Variants in HSPA2 observed in about 807,000 individuals in gnomAD.
The protein encoded by HSPA2 is heat shock-related 70 kDa protein 2.
A neutral mutation model predicts 35.0 loss-of-function variants in HSPA2; 13 were observed. The observed-to-expected ratio is 0.37, with a 90% CI of 0.24 to 0.59. HSPA2 has a LOEUF of 0.59. HSPA2 is among the 20% of genes least tolerant of loss of function. The probability of loss-of-function intolerance (pLI) is 0.70; values close to 1 mark genes in which losing one functional copy is unlikely to be tolerated. For synonymous variants in HSPA2, 368 were observed against 382.1 expected (o/e 0.96, Z 0.43); for missense variants, 565 against 885.4 (o/e 0.64, Z 4.59).
At chr14:64,540,647 G>A (rs2080019951), upstream of HSPA2, 4 of 725,026 alleles carry the variant, frequency 5.5e-6, no homozygotes, top group Non-Finnish European at 8.8e-6. Flanking sequence ...CTGTGGTGGA[G>A]CTGGAAGAGT....
chr14:64,540,690 T>C, upstream of HSPA2: 1 of 1,141,034 alleles, frequency 8.8e-7, no homozygotes, highest in Non-Finnish European at 1.2e-6. Context: ...GGATTGGGTC[T>C]GGGAGTTCCC....
At position 64,542,814 on chromosome 14, in the gene HSPA2, C is replaced by G; in HGVS notation, c.*45C>G. 1 of 1,441,744 alleles carries G rather than the reference C, an allele frequency of 6.9e-7. No individual in the cohort carries two copies. The highest frequency in any genetic ancestry group is 1.4e-5 in the South Asian group (1 of 73,728). 89.3% of individuals were successfully genotyped at this position (1,441,744 alleles called of 1,614,324 possible). ...TAAACCTCTTTGCCTTTCTCTCTCTCTCTTTTTTTTTGTTTGTTTCTTTGA... is the reference window on the plus strand; with the variant it reads ...TAAACCTCTTTGCCTTTCTCTCTCTGTCTTTTTTTTTGTTTGTTTCTTTGA... On this transcript the variant is annotated 3_prime_UTR_variant, in exon 1 of 1. Transcript: ENST00000247207. The surrounding 1 kb of genome is among the most constrained non-coding windows in gnomAD (Gnocchi z 5.7).
In HSPA2 at chr14:64,541,244, C is replaced by A. The variant is rs775502313; in HGVS notation, c.395C>A (p.Ala132Glu). The A allele has an allele frequency of 3.1e-6, 5 of 1,614,044 alleles. No individual in the cohort carries two copies. The highest frequency in any genetic ancestry group is 4.2e-6 in the Non-Finnish European group (5 of 1,180,030). Residue 132 changes from alanine to glutamate, a missense_variant, in exon 1 of 1, where the codon GCG (alanine) becomes GAG (glutamate). Ala to Glu is a moderately radical substitution (Grantham distance 107). Around this residue, in one of 4 missense-constraint regions of HSPA2, gnomAD observed 183 missense variants for 281.6 expected, o/e 0.65. Coordinates refer to ENST00000247207, the MANE Select transcript of HSPA2 (RefSeq NM_021979.4). The stretch of plus-strand genomic sequence containing the variant: ...GTCCTCACGAAGATGAAGGAGATCG[C>A]GGAAGCCTACCTGGGGGGCAAGGTG... The part of the protein sequence containing the change: ...SMVLTKMKEI[A>E]EAYLGGKVHS...
At chr14:64,536,132 C>A (rs1596710705), upstream of HSPA2, among the ~76,000 whole-genome samples, 1 of 152,248 alleles carries the variant, frequency 6.6e-6, no homozygotes, top group East Asian at 1.9e-4. Context: ...ACTGATAATT[C>A]TACCTTCTAG....
upstream of HSPA2, chr14:64,540,209 T>C (rs9285591): frequency 0.026 from 3,985 of 153,954 alleles, 165 homozygotes; most frequent in African/African-American, 0.091. Flanking sequence ...TGCAACCAAC[T>C]CAGAATGAAT....
At chr14:64,539,429 C>CA (rs767291916), upstream of HSPA2, among the ~76,000 whole-genome samples, 3 of 151,962 alleles carry the variant, frequency 2.0e-5, no homozygotes, top group Non-Finnish European at 1.5e-5. Context: ...GTCAAAAACT[C>CA]AAAGCAGTGG....
In HSPA2 at chr14:64,542,804, TTCTC is replaced by T; in HGVS notation, c.*45_*48del. 6.6e-7 allele frequency: 1 copy of T among 1,506,790 alleles called. No individual in the cohort carries two copies. The highest frequency in any genetic ancestry group is 8.8e-7 in the Non-Finnish European group (1 of 1,132,466). 93.3% of individuals were successfully genotyped at this position (1,506,790 alleles called of 1,614,324 possible). On this transcript the variant is annotated 3_prime_UTR_variant, in exon 1 of 1. Transcript: ENST00000247207. The surrounding 1 kb of genome is among the most constrained non-coding windows in gnomAD (Gnocchi z 5.7). ...CAAGTCAGCGTAAACCTCTTTGCCT[TTCTC>T]TCTCTCTCTTTTTTTTTGTTTGTTT...
rs2080045988 is a variant in HSPA2 at position 64,543,197 on chromosome 14, C to A, written c.*428C>A. 5.2e-6 allele frequency: 1 copy of A among 191,500 alleles called. No homozygotes were observed. The highest frequency in any genetic ancestry group is 2.4e-5 in the African/African-American group (1 of 41,732). 11.9% of individuals were successfully genotyped at this position (191,500 alleles called of 1,614,324 possible). A position where few individuals can be genotyped will look rare whatever the true frequency, so the allele number is the denominator to read the frequency against. On this transcript the variant is annotated 3_prime_UTR_variant, in exon 1 of 1. Coordinates refer to ENST00000247207, the MANE Select transcript of HSPA2 (RefSeq NM_021979.4). ...CAGGTATACTTTTTGCAAACAAATG[C>A]ATAAATGCAAATGTAAAGTAAAGCT...
In HSPA2 at chr14:64,541,346, C is replaced by T; in HGVS notation, c.497C>T (p.Thr166Met). ...GCCACCAAGGACGCAGGCACCATCA[C>T]GGGGCTCAATGTGCTGCGCATCATC... ...RQATKDAGTI[T>M]GLNVLRIINE... Residue 166 changes from threonine (T) to methionine (M), a missense_variant, in exon 1 of 1, where the codon ACG becomes ATG. Around this residue, in one of 4 missense-constraint regions of HSPA2, gnomAD observed 183 missense variants for 281.6 expected, o/e 0.65. Coordinates refer to ENST00000247207, the MANE Select transcript of HSPA2 (RefSeq NM_021979.4). The T allele has an allele frequency of 1.9e-6, 3 of 1,613,750 alleles. No individual in the cohort carries two copies. Among genetic ancestry groups the T allele is most frequent in the Non-Finnish European group, 2.5e-6 (3 of 1,180,046 alleles).
rs554817180 is a variant in HSPA2, at chr14:64,542,815, TC to T, written c.*47del. On this transcript the variant is annotated 3_prime_UTR_variant, in exon 1 of 1. Coordinates refer to ENST00000247207, the MANE Select transcript of HSPA2 (RefSeq NM_021979.4). This position sits in a 1 kb window ranked among gnomAD's most constrained non-coding sequence, Gnocchi z 5.7. ...AAACCTCTTTGCCTTTCTCTCTCTC[TC>T]TTTTTTTTTGTTTGTTTCTTTGAAA... 2.5e-5 allele frequency: 35 copies of T among 1,413,590 alleles called. No homozygotes were observed. The highest frequency in any genetic ancestry group is 9.7e-5 in the South Asian group (7 of 71,806). The allele number at this position is 1,413,590 out of a possible 1,614,324, so 87.6% of individuals were successfully genotyped here. A position where few individuals can be genotyped will look rare whatever the true frequency, so the allele number is the denominator to read the frequency against.
At position 64,540,814 on chromosome 14, in the gene HSPA2, T is replaced by C; in HGVS notation, c.-36T>C. The C allele has an allele frequency of 6.2e-7, 1 of 1,607,396 alleles. No homozygotes were observed. The highest frequency in any genetic ancestry group is 8.5e-7 in the Non-Finnish European group (1 of 1,175,650). ...GACTCCGCGGAGTTCATCTCCCTGGTTTTCCCGTCCTAACGTCGCTCGCCT... is the reference window on the plus strand; with the variant it reads ...GACTCCGCGGAGTTCATCTCCCTGGCTTTCCCGTCCTAACGTCGCTCGCCT... On this transcript the variant is annotated 5_prime_UTR_variant, in exon 1 of 1. Transcript: ENST00000247207.
Position 64,542,428 on chromosome 14 carries a change from C to G in HSPA2, c.1579C>G (p.Arg527Gly), listed in dbSNP as rs200575249. The G allele has an allele frequency of 6.2e-7, 1 of 1,613,646 alleles. No individual in the cohort carries two copies. Among genetic ancestry groups the G allele is most frequent in the Non-Finnish European group, 8.5e-7 (1 of 1,179,972 alleles). Residue 527 changes from arginine (R) to glycine (G), a missense_variant, in exon 1 of 1, where the codon CGG becomes GGG. Physicochemically the swap from Arg to Gly is moderately radical, Grantham distance 125. Coordinates refer to ENST00000247207, the MANE Select transcript of HSPA2 (RefSeq NM_021979.4). The surrounding 1 kb of genome is among the most constrained non-coding windows in gnomAD (Gnocchi z 5.7). The part of the protein sequence containing the change: ...DIDRMVQEAE[R>G]YKSEDEANRD... Reference sequence around the variant, plus strand: ...TGACCGGATGGTGCAGGAGGCGGAGCGGTACAAATCGGAAGATGAGGCGAA... The same window carrying G: ...TGACCGGATGGTGCAGGAGGCGGAGGGGTACAAATCGGAAGATGAGGCGAA...
chr14:64,541,245 G>A lies in HSPA2; in HGVS notation c.396G>A (p.Ala132=). ...SMVLTKMKEI[A]EAYLGGKVHS... ...TCCTCACGAAGATGAAGGAGATCGCGGAAGCCTACCTGGGGGGCAAGGTGC... is the reference window on the plus strand; with the variant it reads ...TCCTCACGAAGATGAAGGAGATCGCAGAAGCCTACCTGGGGGGCAAGGTGC... The change falls in exon 1 of 1, where the codon GCG becomes GCA. Residue 132 remains alanine (A), a synonymous_variant. Coordinates refer to ENST00000247207, the MANE Select transcript of HSPA2 (RefSeq NM_021979.4). 6.2e-7 allele frequency: 1 copy of A among 1,613,708 alleles called. No individual in the cohort carries two copies.
chr14:64,541,129 C>T lies in HSPA2; in HGVS notation c.280C>T (p.Arg94Trp), dbSNP rs748729664. Residue 94 changes from arginine to tryptophan, a missense_variant, in exon 1 of 1, where the codon CGG (arginine) becomes TGG (tryptophan). Arg to Trp is a moderately radical substitution (Grantham distance 101). Around this residue, in one of 4 missense-constraint regions of HSPA2, gnomAD observed 183 missense variants for 281.6 expected, o/e 0.65. Coordinates refer to ENST00000247207, the MANE Select transcript of HSPA2 (RefSeq NM_021979.4). ...GTCGGATATGAAACACTGGCCGTTC[C>T]GGGTGGTGAGCGAGGGAGGCAAGCC... ...VQSDMKHWPFRVVSEGGKPKV... is the reference protein window; with the variant it reads ...VQSDMKHWPFWVVSEGGKPKV... 5.6e-6 allele frequency: 9 copies of T among 1,614,024 alleles called. No individual in the cohort carries two copies. Among genetic ancestry groups the T allele is most frequent in the Non-Finnish European group, 7.6e-6 (9 of 1,180,026 alleles).
chr14:64,539,075 AAACTACAGGC>A (rs1455938892), upstream of HSPA2, among the ~76,000 whole-genome samples: 4 of 152,208 alleles, frequency 2.6e-5, no homozygotes, highest in African/African-American at 7.2e-5. Context: ...CAAAGTGCTG[AAACTACAGGC>A]ATGAGCCTCC....
rs111281457 is a variant in HSPA2, at chr14:64,542,216, A to G, written c.1367A>G (p.Asn456Ser). The part of the protein sequence containing the change: ...YEGERAMTKD[N>S]NLLGKFDLTG... ...GGCGAACGGGCCATGACCAAGGACAATAACCTGCTGGGCAAGTTCGACCTG... is the reference window on the plus strand; with the variant it reads ...GGCGAACGGGCCATGACCAAGGACAGTAACCTGCTGGGCAAGTTCGACCTG... Residue 456 changes from asparagine (N) to serine (S), a missense_variant, in exon 1 of 1, where the codon AAT becomes AGT. Asn to Ser is a conservative substitution (Grantham distance 46). Transcript: ENST00000247207. The surrounding 1 kb of genome is among the most constrained non-coding windows in gnomAD (Gnocchi z 5.7). 1.9e-6 allele frequency: 3 copies of G among 1,613,986 alleles called. No individual in the cohort carries two copies. The highest frequency in any genetic ancestry group is 2.5e-6 in the Non-Finnish European group (3 of 1,180,022).
chr14:64,539,587 C>T (rs2080007305), upstream of HSPA2, among the ~76,000 whole-genome samples: 1 of 152,234 alleles, frequency 6.6e-6, no homozygotes, highest in Non-Finnish European at 1.5e-5. Context: ...CCGCCACACC[C>T]CTGTCTGCCG....
chr14:64,538,647 T>C (rs1426735157), upstream of HSPA2, among the ~76,000 whole-genome samples: 1 of 152,240 alleles, frequency 6.6e-6, no homozygotes, highest in Non-Finnish European at 1.5e-5. Flanking sequence ...CCCATGGCGC[T>C]TTGCTTTCAG....
Position 64,542,904 on chromosome 14 carries a change from A to T in HSPA2, c.*135A>T. 1 of 1,318,660 alleles carries T rather than the reference A, an allele frequency of 7.6e-7. No homozygotes were observed. Among genetic ancestry groups the T allele is most frequent in the Non-Finnish European group, 1.0e-6 (1 of 982,136 alleles). 81.7% of individuals were successfully genotyped at this position (1,318,660 alleles called of 1,614,324 possible). A position where few individuals can be genotyped will look rare whatever the true frequency, so the allele number is the denominator to read the frequency against. On this transcript the variant is annotated 3_prime_UTR_variant, in exon 1 of 1. Transcript: ENST00000247207. The surrounding 1 kb of genome is among the most constrained non-coding windows in gnomAD (Gnocchi z 5.7). The stretch of plus-strand genomic sequence containing the variant: ...CTTTGGTATATGCAAATGAAAGGAG[A>T]GGTGCAACAACTTAGTTTAATTATA...
Sources: gnomAD v4.1 joint callset for allele counts (sites outside exome capture counted in the v4.1 genomes callset) on GRCh38, gnomAD v4.1.1 for gene constraint, gnomAD v4.1.1 regional missense constraint, Gnocchi (gnomAD v3.1) non-coding constraint, MANE v1.5 for transcripts, NCBI Gene and HGNC (gene_info 2026-07-23, HGNC 2026-07-21) for gene names.